The following MAPKAP1 variants were observed in gnomAD, a reference collection of about 807,000 sequenced individuals.
MAPKAP1 encodes the protein MAPK associated protein 1.
MAPKAP1 carries 20 observed loss-of-function variants against 65.7 expected under a neutral mutation model. That is an observed-to-expected ratio of 0.30 (90% CI 0.21 to 0.44). The LOEUF (loss-of-function observed/expected upper bound fraction) is 0.44, where lower values mean the gene tolerates loss of function less well. Among genes scored for constraint, MAPKAP1 ranks in the 20% least tolerant of loss-of-function variants. MAPKAP1 has a pLI of 1.00. For synonymous variants in MAPKAP1, 222 were observed against 244.3 expected, an observed-to-expected ratio of 0.91 and a Z score of 0.85; for missense variants, 423 against 648.0, an observed-to-expected ratio of 0.65 and a Z score of 3.77.
chr9:125,459,265 G>A (rs1427300077), intron 10 of MAPKAP1, among the ~76,000 whole-genome samples: 1 of 151,552 alleles, frequency 6.6e-6, no homozygotes, highest in East Asian at 2.0e-4. Context: ...ATGGCGGCCG[G>A]GAAGAGGCGC....
chr9:125,613,184 A>G (rs1233987655), intron 4 of MAPKAP1, among the ~76,000 whole-genome samples: 1 of 152,210 alleles, frequency 6.6e-6, no homozygotes, highest in African/African-American at 2.4e-5. Flanking sequence ...TCCCCAAAGA[A>G]ACGAAGTCCA....
chr9:125,530,081 A>G (rs1198610081), intron 7 of MAPKAP1, among the ~76,000 whole-genome samples: 1 of 152,208 alleles, frequency 6.6e-6, no homozygotes, highest in Non-Finnish European at 1.5e-5. Flanking sequence ...AGGCCTCTGT[A>G]AGCAGCAGAA....
intron 4 of MAPKAP1, chr9:125,596,352 G>A (rs1488032100): frequency 5.2e-6 from 4 of 776,320 alleles, no homozygotes; most frequent in Non-Finnish European, 9.2e-6. Flanking sequence ...TGCCTTTGGT[G>A]GCAACCATGG....
intron 7 of MAPKAP1, among the ~76,000 whole-genome samples, chr9:125,538,400 G>A (rs906331337): frequency 1.3e-5 from 2 of 152,168 alleles, no homozygotes; most frequent in Admixed American, 1.3e-4. Context: ...GATAAGATGT[G>A]GGGAGGCAGT....
At chr9:125,673,938 T>C (rs1834569092) in intron 1 of MAPKAP1, among the ~76,000 whole-genome samples, 3 of 118,136 alleles carry the variant, frequency 2.5e-5, no homozygotes, top group Non-Finnish European at 1.8e-5. Context: ...TGAGACCCTG[T>C]CTTCTAAAAA....
chr9:125,673,471 C>G (rs943972537), intron 1 of MAPKAP1, among the ~76,000 whole-genome samples: 1 of 152,192 alleles, frequency 6.6e-6, no homozygotes, highest in East Asian at 1.9e-4. Flanking sequence ...GTTGATCCGC[C>G]CGCCTTGGCC....
intron 9 of MAPKAP1, among the ~76,000 whole-genome samples, chr9:125,475,745 T>C (rs1316956006): frequency 1.3e-5 from 2 of 152,188 alleles, no homozygotes; most frequent in African/African-American, 4.8e-5. Context: ...CTAGGACAGC[T>C]AGATCACCAA....
chr9:125,703,041 G>A (rs905454558), intron 1 of MAPKAP1, among the ~76,000 whole-genome samples: 2 of 152,002 alleles, frequency 1.3e-5, no homozygotes, highest in African/African-American at 4.8e-5. Flanking sequence ...AAATAAATAA[G>A]AATAAATTAA....
At chr9:125,452,065 C>T (rs1589200816) in intron 10 of MAPKAP1, among the ~76,000 whole-genome samples, 1 of 152,166 alleles carries the variant, frequency 6.6e-6, no homozygotes, top group African/African-American at 2.4e-5. Flanking sequence ...CCGCCTTGGC[C>T]TCCTGAAGTG....
In MAPKAP1 at chr9:125,622,863, G is replaced by A. The variant is rs562774741; in HGVS notation, c.498+34788C>T. Among the ~76,000 whole-genome samples, 16 of 152,194 alleles carry A rather than the reference G, an allele frequency of 1.1e-4. No individual in the cohort carries two copies. The South Asian group carries it at 3.1e-3, about 30-fold the overall frequency. ...AGTCTCCCTCTCATGCGGAGCCGAA[G>A]CTGGACTGTACTGCTGCCATCTCGG... On this transcript the variant is annotated intron_variant, in intron 4 of 11. Coordinates refer to ENST00000265960, the MANE Select transcript of MAPKAP1 (RefSeq NM_001006617.3).
chr9:125,588,061 C>T (rs1831841842), intron 4 of MAPKAP1, among the ~76,000 whole-genome samples: 1 of 152,126 alleles, frequency 6.6e-6, no homozygotes, highest in African/African-American at 2.4e-5. Context: ...GATTCCATTC[C>T]TAGGTATATA....
intron 1 of MAPKAP1, among the ~76,000 whole-genome samples, chr9:125,674,109 A>G (rs1163548368): frequency 6.6e-6 from 1 of 152,062 alleles, no homozygotes; most frequent in Non-Finnish European, 1.5e-5. Context: ...CCCTGGCCCT[A>G]TTACTCGTTA....
intron 7 of MAPKAP1, among the ~76,000 whole-genome samples, chr9:125,517,070 G>A (rs1412905750): frequency 1.3e-5 from 2 of 152,174 alleles, no homozygotes; most frequent in Non-Finnish European, 2.9e-5. Context: ...AAACCATGGA[G>A]TGGTTAAGTC....
At chr9:125,700,039 T>C (rs757672844) in intron 1 of MAPKAP1, among the ~76,000 whole-genome samples, 17 of 152,204 alleles carry the variant, frequency 1.1e-4, no homozygotes, top group Admixed American at 3.3e-4. Context: ...CTATGTGAGA[T>C]TGGCATTACT....
chr9:125,480,665 G>A (rs112362213), intron 9 of MAPKAP1, among the ~76,000 whole-genome samples: 2,121 of 152,242 alleles, frequency 0.014, 45 homozygotes, highest in African/African-American at 0.047. Context: ...ACTACGATAA[G>A]CTACTGCTTA....
intron 7 of MAPKAP1, among the ~76,000 whole-genome samples, chr9:125,518,491 C>T (rs991401355): frequency 5.3e-5 from 8 of 151,826 alleles, no homozygotes; most frequent in African/African-American, 1.9e-4. Context: ...AGTGAAACCT[C>T]GTCGCTACAA....
At chr9:125,689,524 G>T (rs1364445847) in intron 1 of MAPKAP1, among the ~76,000 whole-genome samples, 2 of 149,330 alleles carry the variant, frequency 1.3e-5, no homozygotes, top group African/African-American at 4.9e-5. Flanking sequence ...AAGGAGGCAG[G>T]TCACCTGAGG....
At chr9:125,556,766 G>A (rs188138348) in intron 6 of MAPKAP1, among the ~76,000 whole-genome samples, 1 of 152,272 alleles carries the variant, frequency 6.6e-6, no homozygotes, top group East Asian at 1.9e-4. Flanking sequence ...GACTCCTGAA[G>A]GTCTGCTCTG....
intron 4 of MAPKAP1, among the ~76,000 whole-genome samples, chr9:125,635,452 G>A (rs1446614186): frequency 2.0e-5 from 3 of 152,148 alleles, no homozygotes; most frequent in Non-Finnish European, 2.9e-5. Flanking sequence ...TCCACCCTAT[G>A]TTCAGGCTGA....
Sources: gnomAD v4.1 joint callset for allele counts (sites outside exome capture counted in the v4.1 genomes callset) on GRCh38, gnomAD v4.1.1 for gene constraint, MANE v1.5 for transcripts, NCBI Gene and HGNC (gene_info 2026-07-23, HGNC 2026-07-21) for gene names.